Variants in ANKRD36 observed in about 807,000 individuals in gnomAD.
ANKRD36 encodes ankyrin repeat domain-containing protein 36A.
In ANKRD36, 179 loss-of-function variants were observed where a neutral mutation model predicts 278.1. The observed-to-expected ratio is 0.64, with a 90% CI of 0.57 to 0.73. ANKRD36 has a LOEUF of 0.73. Among genes scored for constraint, ANKRD36 ranks in the 30% least tolerant of loss-of-function variants. The probability of loss-of-function intolerance (pLI) is 0.00; values close to 1 mark genes in which losing one functional copy is unlikely to be tolerated. For synonymous variants in ANKRD36, 320 were observed against 641.1 expected, an observed-to-expected ratio of 0.50 and a Z score of 7.57; for missense variants, 1,159 against 1,956.7, an observed-to-expected ratio of 0.59 and a Z score of 7.69.
chr2:97,190,585 C>G (rs535360562), intron 34 of ANKRD36, among the ~76,000 whole-genome samples: 1 of 151,514 alleles, frequency 6.6e-6, no homozygotes, highest in Non-Finnish European at 1.5e-5. Flanking sequence ...TGGTATAAAT[C>G]CTTTTGATTT....
chr2:97,204,618 C>T (rs1019079185), intron 50 of ANKRD36, among the ~76,000 whole-genome samples: 50 of 151,142 alleles, frequency 3.3e-4, no homozygotes, highest in African/African-American at 1.0e-3. Flanking sequence ...CTTCAGCTCG[C>T]ACTGCCAAGA....
In ANKRD36 at chr2:97,157,015, G is replaced by A. The variant is rs189534024; in HGVS notation, c.1261-1092G>A. On this transcript the variant is annotated intron_variant, in intron 15 of 75. Coordinates refer to ENST00000420699, the MANE Select transcript of ANKRD36 (RefSeq NM_001354587.1). ...TCATGTGTTTTTTGGCTGCATAAAT[G>A]TCTTCTTTTGAGAAGTGTCTGTTCA... is the stretch of plus-strand genomic sequence containing the variant. Among the ~76,000 whole-genome samples the A allele has an allele frequency of 4.3e-3, 648 of 151,874 alleles. 3 individuals carry two copies. The highest frequency in any genetic ancestry group is 0.014 in the African/African-American group (600 of 41,470).
At chr2:97,229,146 A>G (rs1350512676) in intron 67 of ANKRD36, among the ~76,000 whole-genome samples, 2 of 151,426 alleles carry the variant, frequency 1.3e-5, no homozygotes, top group Non-Finnish European at 2.9e-5. Flanking sequence ...GTAGATGTCT[A>G]TTAGGTCCAC....
At chr2:97,179,016 T>A (rs2443861) in intron 22 of ANKRD36, among the ~76,000 whole-genome samples, 21 of 151,746 alleles carry the variant, frequency 1.4e-4, no homozygotes, top group African/African-American at 5.1e-4. Flanking sequence ...TTATTTTGTA[T>A]AAGTATGTCA....
chr2:97,232,875 T>C lies in ANKRD36; in HGVS notation c.3952-855T>C, dbSNP rs190022029. 2.6e-3 allele frequency among the ~76,000 whole-genome samples: 401 copies of C among 152,128 alleles called. 27 individuals carry two copies. The East Asian group carries it at 0.05, about 19-fold the overall frequency. On this transcript the variant is annotated intron_variant, in intron 67 of 75. Coordinates refer to ENST00000420699, the MANE Select transcript of ANKRD36 (RefSeq NM_001354587.1). The stretch of plus-strand genomic sequence containing the variant: ...GATGAAATAAAAGAAGACAAATAGG[T>C]TGTGAGGCAAATGACAAAAAAACAA...
rs570203361 is a variant in ANKRD36 at position 97,195,712 on chromosome 2, T to A, written c.2551+795T>A. On this transcript the variant is annotated intron_variant, in intron 40 of 75. Coordinates refer to ENST00000420699, the MANE Select transcript of ANKRD36 (RefSeq NM_001354587.1). Reference sequence around the variant, plus strand: ...AAAATAGCTGTTTAATGAAACTTCTTTAGAAAATAACATGATACTGCCAAC... The same window carrying A: ...AAAATAGCTGTTTAATGAAACTTCTATAGAAAATAACATGATACTGCCAAC... Among the ~76,000 whole-genome samples, 59 of 152,068 alleles carry A rather than the reference T, an allele frequency of 3.9e-4. No homozygotes were observed. The East Asian group carries it at 7.4e-3, about 19-fold the overall frequency.
At chr2:97,167,650 A>G (rs2051152620) in intron 21 of ANKRD36, 45 bp downstream of exon 21, 1 of 1,536,118 alleles carries the variant, frequency 6.5e-7, no homozygotes, top group Non-Finnish European at 8.7e-7. Context: ...ATGCTTTGTG[A>G]TATATACATG....
At chr2:97,208,570 TA>T (rs1287379241) in intron 54 of ANKRD36, among the ~76,000 whole-genome samples, 2 of 146,318 alleles carry the variant, frequency 1.4e-5, no homozygotes, top group South Asian at 2.1e-4. Context: ...AATATTTTCA[TA>T]AAAAATATTT....
chr2:97,176,650 G>T, intron 22 of ANKRD36, among the ~76,000 whole-genome samples: 1 of 149,882 alleles, frequency 6.7e-6, no homozygotes. Context: ...TGTTATGTGT[G>T]AATTTGATCC....
chr2:97,171,926 T>C (rs1343287905), intron 22 of ANKRD36, among the ~76,000 whole-genome samples: 2 of 152,010 alleles, frequency 1.3e-5, no homozygotes, highest in Non-Finnish European at 2.9e-5. Flanking sequence ...TGGGATCTAA[T>C]TAAACTAAGG....
chr2:97,140,463 C>T (rs1290228228), intron 6 of ANKRD36, among the ~76,000 whole-genome samples: 3 of 151,938 alleles, frequency 2.0e-5, no homozygotes, highest in East Asian at 3.9e-4. Context: ...CTACTCAGTG[C>T]TGTCTGCTGG....
rs1357460083 is a variant in ANKRD36, at chr2:97,179,720, A to G, written c.1634-18A>G. 3 of 1,593,368 alleles carry G rather than the reference A, an allele frequency of 1.9e-6. No homozygotes were observed. Among genetic ancestry groups the G allele is most frequent in the Middle Eastern group, 2.3e-4 (1 of 4,408 alleles). ...CATATTTACATATGATTGATTATGT[A>G]TCCCTTTTGCTTTTCAGTGTCTTCT... On this transcript the variant is annotated intron_variant, in intron 22 of 75. Transcript: ENST00000420699.
At chr2:97,194,440 C>A (rs2059218861) in intron 38 of ANKRD36, among the ~76,000 whole-genome samples, 2 of 151,612 alleles carry the variant, frequency 1.3e-5, no homozygotes, top group Non-Finnish European at 2.9e-5. Flanking sequence ...CATTTGTCCT[C>A]ATCACTCGGC....
At chr2:97,132,102 C>T (rs186749477) in intron 6 of ANKRD36, among the ~76,000 whole-genome samples, 49 of 151,806 alleles carry the variant, frequency 3.2e-4, no homozygotes, top group African/African-American at 3.9e-4. Context: ...GTTTGGATTA[C>T]AGGTGTGAGC....
chr2:97,196,216 C>A (rs566319611), intron 40 of ANKRD36, among the ~76,000 whole-genome samples: 1 of 151,960 alleles, frequency 6.6e-6, no homozygotes, highest in Non-Finnish European at 1.5e-5. Flanking sequence ...TGATTTGTTG[C>A]GTGAAAGACA....
chr2:97,209,751 A>G, intron 55 of ANKRD36, 42 bp downstream of exon 55: 3 of 1,570,800 alleles, frequency 1.9e-6, no homozygotes, highest in Non-Finnish European at 2.6e-6. Flanking sequence ...GTAAACGTAT[A>G]GCCTATGAAA....
At chr2:97,176,200 A>G (rs2054200035) in intron 22 of ANKRD36, among the ~76,000 whole-genome samples, 1 of 151,800 alleles carries the variant, frequency 6.6e-6, no homozygotes, top group African/African-American at 2.4e-5. Context: ...TCTCTTGTTG[A>G]TCTGTCCAAT....
In ANKRD36 at chr2:97,217,325, T is replaced by C; in HGVS notation, c.3728T>C (p.Leu1243Pro). ...GTTATATTTAAAAAGAAAGTTTCTC[T>C]TTTGAATATTGCCACAAGAATAACA... is the stretch of plus-strand genomic sequence containing the variant. ...QKVIFKKKVS[L>P]LNIATRITGG... The change falls in exon 64 of 76, where the codon CTT becomes CCT. Residue 1243 changes from leucine to proline, a missense_variant. By Grantham distance (98) the Leu-to-Pro change is moderately conservative. Coordinates refer to ENST00000420699, the MANE Select transcript of ANKRD36 (RefSeq NM_001354587.1). 6.4e-7 allele frequency: 1 copy of C among 1,551,358 alleles called. No homozygotes were observed. The highest frequency in any genetic ancestry group is 2.5e-5 in the East Asian group (1 of 40,550).
chr2:97,192,747 C>A, intron 36 of ANKRD36, 111 bp from the exon 37 acceptor site: 1 of 1,403,908 alleles, frequency 7.1e-7, no homozygotes. Flanking sequence ...GCCATCAAAG[C>A]CTACGCTAAT....
Sources: gnomAD v4.1 joint callset for allele counts (sites outside exome capture counted in the v4.1 genomes callset) on GRCh38, gnomAD v4.1.1 for gene constraint, MANE v1.5 for transcripts, NCBI Gene and HGNC (gene_info 2026-07-23, HGNC 2026-07-21) for gene names.